ARHGEF3: variants seen among roughly 807,000 people sequenced by gnomAD.
The protein encoded by ARHGEF3 is 59.8 kDA protein.
In ARHGEF3, 28 loss-of-function variants were observed where a neutral mutation model predicts 63.2. That is an observed-to-expected ratio of 0.44 (90% CI 0.33 to 0.61). The LOEUF (loss-of-function observed/expected upper bound fraction) is 0.61, where lower values mean the gene tolerates loss of function less well. ARHGEF3 is among the 20% of genes least tolerant of loss of function. The pLI is 0.03. For missense variants in ARHGEF3, 533 were observed against 659.3 expected (o/e 0.81, Z 2.10); for synonymous variants, 266 against 254.2 (o/e 1.05, Z -0.44).
intron 1 of ARHGEF3, among the ~76,000 whole-genome samples, chr3:56,787,650 A>T (rs1199386354): frequency 6.6e-6 from 1 of 152,052 alleles, no homozygotes; most frequent in Non-Finnish European, 1.5e-5. Flanking sequence ...TCTGAATTCA[A>T]ATCTACCTGC....
chr3:56,743,580 C>G (rs974996071), intron 7 of ARHGEF3, among the ~76,000 whole-genome samples: 1 of 152,160 alleles, frequency 6.6e-6, no homozygotes, highest in African/African-American at 2.4e-5. Context: ...GATACATAAC[C>G]TATGAGGCAA....
Position 56,729,213 on chromosome 3 carries a change from AT to A in ARHGEF3, c.*56del. 6.8e-7 allele frequency: 1 copy of A among 1,465,852 alleles called. No homozygotes were observed. Among genetic ancestry groups the A allele is most frequent in the Non-Finnish European group, 9.3e-7 (1 of 1,077,990 alleles). The allele number at this position is 1,465,852 out of a possible 1,614,324, so 90.8% of individuals were successfully genotyped here. A position where few individuals can be genotyped will look rare whatever the true frequency, so the allele number is the denominator to read the frequency against. ...TTCTCCAAACCGTTCCATCTGTGGA[AT>A]GCAAATACTGTACAGGTAAGATGCA... is the stretch of plus-strand genomic sequence containing the variant. On this transcript the variant is annotated 3_prime_UTR_variant, in exon 10 of 10. Coordinates refer to ENST00000296315, the MANE Select transcript of ARHGEF3 (RefSeq NM_019555.3).
intron 3 of ARHGEF3, among the ~76,000 whole-genome samples, chr3:56,918,786 C>T (rs761780832): frequency 6.6e-6 from 1 of 152,186 alleles, no homozygotes; most frequent in South Asian, 2.1e-4. Flanking sequence ...TTCTCTATGG[C>T]ATCTAGGATA....
Position 57,016,981 on chromosome 3 carries a change from G to GA in ARHGEF3, c.62+18106dup, listed in dbSNP as rs548732416. On this transcript the variant is annotated intron_variant, in intron 2 of 12. Coordinates refer to the ARHGEF3 transcript ENST00000338458. ...CAAGACACAGTGAGGCCTGGTGGGGGAGAGAGAGGAAAGCTTTCTCTCTGT... is the reference window on the plus strand; with the variant it reads ...CAAGACACAGTGAGGCCTGGTGGGGGAAGAGAGAGGAAAGCTTTCTCTCTGT... Among the ~76,000 whole-genome samples the GA allele has an allele frequency of 1.3e-3, 197 of 149,846 alleles. 1 individual carries two copies. The highest frequency in any genetic ancestry group is 4.7e-3 in the African/African-American group (187 of 39,630).
At chr3:56,829,874 G>A (rs2038866794) in intron 4 of ARHGEF3, among the ~76,000 whole-genome samples, 2 of 152,142 alleles carry the variant, frequency 1.3e-5, no homozygotes, top group Non-Finnish European at 2.9e-5. Context: ...CAGAATGTCA[G>A]GACTTTAGCA....
chr3:57,056,330 T>C (rs988039423), intron 1 of ARHGEF3, among the ~76,000 whole-genome samples: 4 of 137,966 alleles, frequency 2.9e-5, no homozygotes, highest in South Asian at 2.3e-4. Context: ...GAGGTTGCAG[T>C]GAGCCAAGAT....
At position 56,923,618 on chromosome 3, in the gene ARHGEF3, T is replaced by C. The variant is rs139069987; in HGVS notation, c.129+35205A>G. 9.2e-3 allele frequency among the ~76,000 whole-genome samples: 1,396 copies of C among 152,286 alleles called. 7 individuals carry two copies. The highest frequency in any genetic ancestry group is 0.015 in the Non-Finnish European group (1,019 of 68,030). On this transcript the variant is annotated intron_variant, in intron 3 of 12. Transcript: ENST00000338458. Reference sequence around the variant, plus strand: ...TTTTTTTAATCTTACAATGCTGACTTCCCTGAAATCCCTGTATCCATCTAG... The same window carrying C: ...TTTTTTTAATCTTACAATGCTGACTCCCCTGAAATCCCTGTATCCATCTAG...
At chr3:56,936,694 A>C (rs1698922586) in intron 3 of ARHGEF3, among the ~76,000 whole-genome samples, 1 of 152,216 alleles carries the variant, frequency 6.6e-6, no homozygotes, top group South Asian at 2.1e-4. Context: ...GCAGTCAGAT[A>C]AACCCAACTG....
intron 3 of ARHGEF3, among the ~76,000 whole-genome samples, chr3:56,915,380 T>C (rs1458263673): frequency 6.6e-6 from 1 of 152,048 alleles, no homozygotes; most frequent in Non-Finnish European, 1.5e-5. Flanking sequence ...GCAAGAGGAC[T>C]GCTTGAGCCC....
chr3:56,968,706 CA>C (rs1355849600), intron 2 of ARHGEF3, among the ~76,000 whole-genome samples: 1 of 151,790 alleles, frequency 6.6e-6, no homozygotes. Context: ...CCAGTATATC[CA>C]GATATTATTG....
At chr3:56,756,282 T>C (rs1476080868) in intron 2 of ARHGEF3, among the ~76,000 whole-genome samples, 1 of 152,180 alleles carries the variant, frequency 6.6e-6, no homozygotes, top group African/African-American at 2.4e-5. Flanking sequence ...CACATTGTTA[T>C]TTAGGAAGTG....
chr3:56,944,217 G>T (rs1448521162), intron 3 of ARHGEF3, among the ~76,000 whole-genome samples: 1 of 152,074 alleles, frequency 6.6e-6, no homozygotes, highest in African/African-American at 2.4e-5. Context: ...ATCTCTTAAG[G>T]CCATAGGTGC....
intron 8 of ARHGEF3, among the ~76,000 whole-genome samples, chr3:56,735,040 T>C (rs1313413530): frequency 1.3e-5 from 2 of 152,098 alleles, no homozygotes; most frequent in African/African-American, 4.8e-5. Flanking sequence ...TCCCAGCACT[T>C]TGGGAGGCCG....
rs372822919 is a variant in ARHGEF3 at position 56,870,683 on chromosome 3, A to C, written c.192+11609T>G. ...TGTGAAAAATGTGCCACTCTGATGG[A>C]AACTGTTGATAATGGGGGAGACTAT... On this transcript the variant is annotated intron_variant, in intron 4 of 12. Coordinates refer to the ARHGEF3 transcript ENST00000338458. Among the ~76,000 whole-genome samples, 4 of 152,280 alleles carry C rather than the reference A, an allele frequency of 2.6e-5. 1 individual carries two copies. Among genetic ancestry groups the C allele is most frequent in the East Asian group, 1.9e-4 (1 of 5,194 alleles).
chr3:56,848,568 T>A (rs1317754483), intron 4 of ARHGEF3, among the ~76,000 whole-genome samples: 2 of 152,206 alleles, frequency 1.3e-5, no homozygotes, highest in Non-Finnish European at 2.9e-5. Flanking sequence ...TGTTATCACA[T>A]AATAAAAGTC....
At chr3:56,801,554 G>A (rs912861955) in intron 1 of ARHGEF3, 149 bp downstream of exon 1, 6 of 1,070,124 alleles carry the variant, frequency 5.6e-6, no homozygotes, top group Non-Finnish European at 7.9e-6. Context: ...AAGACTGTGG[G>A]AGAGATGTAG....
intron 3 of ARHGEF3, among the ~76,000 whole-genome samples, chr3:56,893,471 G>A (rs2041190235): frequency 6.8e-6 from 1 of 147,412 alleles, no homozygotes; most frequent in Non-Finnish European, 1.5e-5. Context: ...GAGCCACCAC[G>A]CCCAACCCCT....
chr3:56,990,005 G>T (rs1701688381), intron 2 of ARHGEF3, among the ~76,000 whole-genome samples: 1 of 152,194 alleles, frequency 6.6e-6, no homozygotes, highest in African/African-American at 2.4e-5. Context: ...TCAAGGGCAA[G>T]AATTATTTAA....
intron 2 of ARHGEF3, among the ~76,000 whole-genome samples, chr3:57,012,575 C>T (rs1310343512): frequency 3.3e-5 from 5 of 152,156 alleles, no homozygotes; most frequent in Non-Finnish European, 1.5e-5. Context: ...TGTAGTTTAT[C>T]AATTTAATCC....
Sources: gnomAD v4.1 joint callset for allele counts (sites outside exome capture counted in the v4.1 genomes callset) on GRCh38, gnomAD v4.1.1 for gene constraint, MANE v1.5 for transcripts, NCBI Gene and HGNC (gene_info 2026-07-23, HGNC 2026-07-21) for gene names.